The following HAUS8 variants were observed in gnomAD, a reference collection of about 807,000 sequenced individuals.
The protein encoded by HAUS8 is HAUS augmin like complex subunit 8, also known as HAUS augmin-like complex subunit 8.
Under a neutral mutation model 42.9 loss-of-function variants are expected in HAUS8, and 38 were observed. That is an observed-to-expected ratio of 0.89 (90% CI 0.68 to 1.16). The LOEUF (loss-of-function observed/expected upper bound fraction) is 1.16. HAUS8 is among the 50% of genes most tolerant of loss of function. The pLI, the probability that HAUS8 is intolerant of heterozygous loss-of-function variation, is 0.00. For synonymous variants in HAUS8, 199 were observed against 205.8 expected (o/e 0.97, Z 0.28); for missense variants, 494 against 511.6 (o/e 0.97, Z 0.33).
intron 10 of HAUS8, 161 bp downstream of exon 10, chr19:17,052,664 C>G: frequency 2.8e-6 from 2 of 713,526 alleles, no homozygotes; most frequent in South Asian, 3.6e-5. Context: ...ACCTGCTGGC[C>G]ATTCTTGTAT....
chr19:17,067,646 A>G (rs962342762), intron 3 of HAUS8, among the ~76,000 whole-genome samples: 2 of 152,318 alleles, frequency 1.3e-5, no homozygotes, highest in Non-Finnish European at 2.9e-5. Flanking sequence ...TGGCAACAAC[A>G]TGAAAATTTG....
Position 17,075,379 on chromosome 19 carries a change from G to T in HAUS8, c.29+15C>A. ...TGGCGTCTACAAATCCAGACCTGCG[G>T]AAGCCCCAACTCACCCAGCGCCTCG... On this transcript the variant is annotated intron_variant, in intron 1 of 10. Coordinates refer to ENST00000253669, the MANE Select transcript of HAUS8 (RefSeq NM_033417.2). The T allele has an allele frequency of 6.2e-7, 1 of 1,613,886 alleles. No individual in the cohort carries two copies. Among genetic ancestry groups the T allele is most frequent in the Non-Finnish European group, 8.5e-7 (1 of 1,179,840 alleles).
At chr19:17,058,402 G>C in intron 8 of HAUS8, 147 bp downstream of exon 8, 1 of 729,158 alleles carries the variant, frequency 1.4e-6, no homozygotes, top group South Asian at 2.1e-5. Context: ...ACCAACACCA[G>C]GACCAGAGCA....
intron 2 of HAUS8, among the ~76,000 whole-genome samples, chr19:17,072,003 T>C (rs1044664685): frequency 2.6e-5 from 4 of 151,918 alleles, no homozygotes; most frequent in African/African-American, 7.3e-5. Flanking sequence ...TAAATACAAA[T>C]AAATAAACAG....
intron 3 of HAUS8, among the ~76,000 whole-genome samples, chr19:17,065,379 G>T (rs2057381502): frequency 1.3e-5 from 2 of 152,264 alleles, no homozygotes; most frequent in Non-Finnish European, 1.5e-5. Context: ...TGCCAGAGAG[G>T]GTCCTGCCTC....
intron 4 of HAUS8, among the ~76,000 whole-genome samples, chr19:17,062,409 C>T (rs555475028): frequency 1.3e-5 from 2 of 152,308 alleles, no homozygotes; most frequent in African/African-American, 4.8e-5. Flanking sequence ...GCTCTCAGAG[C>T]ACCAGTGGGA....
In HAUS8 at chr19:17,052,961, G is replaced by C; in HGVS notation, c.793C>G (p.Leu265Val). Reference sequence around the variant, plus strand: ...TGAGTGGTCACCAGTTCATGCTGCAGGGCGTCTGGAGGGGAAGAGGGATGG... The same window carrying C: ...TGAGTGGTCACCAGTTCATGCTGCACGGCGTCTGGAGGGGAAGAGGGATGG... The part of the protein sequence containing the change: ...EGDGQQLLDA[L>V]QHELVTTQRL... The change falls in exon 10 of 11, where the codon CTG (leucine) becomes GTG (valine). Residue 265 changes from leucine (L) to valine (V), a missense_variant. Leu to Val is a conservative substitution (Grantham distance 32, BLOSUM62 1). Transcript: ENST00000253669. 1 of 1,614,206 alleles carries C rather than the reference G, an allele frequency of 6.2e-7. No homozygotes were observed. The highest frequency in any genetic ancestry group is 8.5e-7 in the Non-Finnish European group (1 of 1,180,036).
chr19:17,072,620 G>A (rs1389351671), intron 2 of HAUS8, among the ~76,000 whole-genome samples: 3 of 152,026 alleles, frequency 2.0e-5, no homozygotes, highest in South Asian at 4.1e-4. Flanking sequence ...GATTACAGGC[G>A]TGAGCCACCG....
chr19:17,051,891 A>T (rs1157563850), intron 10 of HAUS8: 1 of 151,764 alleles, frequency 6.6e-6, no homozygotes, highest in Non-Finnish European at 1.5e-5. Context: ...TTGTAATCCC[A>T]GCACTTTGGG....
intron 2 of HAUS8, among the ~76,000 whole-genome samples, chr19:17,072,531 G>A (rs544262732): frequency 6.6e-6 from 1 of 151,936 alleles, no homozygotes; most frequent in African/African-American, 2.4e-5. Flanking sequence ...TTAGTAGAAC[G>A]AGGTTTCACC....
intron 8 of HAUS8, among the ~76,000 whole-genome samples, chr19:17,057,644 G>T (rs149977367): frequency 2.6e-3 from 393 of 152,268 alleles, no homozygotes; most frequent in African/African-American, 8.9e-3. Flanking sequence ...TAAAGTCAGA[G>T]ACCTTGTACT....
rs77771940 is a variant in HAUS8, at chr19:17,050,293, G to C, written c.930-117C>G. The C allele has an allele frequency of 2.7e-3, 1,642 of 610,464 alleles. 31 individuals carry two copies. The African/African-American group carries it at 0.027, about 10-fold the overall frequency. 37.8% of individuals were successfully genotyped at this position (610,464 alleles called of 1,614,324 possible). On this transcript the variant is annotated intron_variant, in intron 10 of 10. Coordinates refer to ENST00000253669, the MANE Select transcript of HAUS8 (RefSeq NM_033417.2). ...GATTTTCACATGCCCTACGTGCTCA[G>C]TGGGAAAGGGCCAGCAAATAAGATC...
At chr19:17,055,127 A>G (rs1412795601) in intron 9 of HAUS8, 1 of 32,126 alleles carries the variant, frequency 3.1e-5, no homozygotes, top group East Asian at 8.1e-4. Flanking sequence ...AAAAAAAAAA[A>G]AAAAAAAAAA....
chr19:17,069,038 G>A lies in HAUS8; in HGVS notation c.140C>T (p.Thr47Ile), dbSNP rs767171028. Residue 47 changes from threonine to isoleucine, a missense_variant, in exon 3 of 11, where the codon ACC becomes ATC. Coordinates refer to ENST00000253669, the MANE Select transcript of HAUS8 (RefSeq NM_033417.2). ...AGCTGGGTGCGGCCTTACCTTTTGG[G>A]TTGTCTTCTTTTCATACTGCAGATA... ...SRYLQYEKKT[T>I]QKAPAGDGSQ... The A allele has an allele frequency of 2.5e-6, 4 of 1,613,094 alleles. No individual in the cohort carries two copies. The South Asian group carries it at 4.4e-5, about 18-fold the overall frequency.
chr19:17,058,481 G>T, intron 8 of HAUS8, 68 bp downstream of exon 8: 1 of 1,453,156 alleles, frequency 6.9e-7, no homozygotes. Flanking sequence ...GAATGCTACC[G>T]AAACAGTGGA....
In HAUS8 at chr19:17,059,557, C is replaced by T. The variant is rs372419077; in HGVS notation, c.420G>A (p.Pro140=). 28 of 1,608,844 alleles carry T rather than the reference C, an allele frequency of 1.7e-5. No homozygotes were observed. The highest frequency in any genetic ancestry group is 1.7e-4 in the Middle Eastern group (1 of 6,054). Residue 140 remains proline (P), a splice_region_variant and synonymous_variant, in exon 6 of 11, where the codon CCG becomes CCA. Transcript: ENST00000253669. ...TSFSAPRKKS[P]DLSEAMEMME... ...CTGCCCTCTTCTTTCAGACACTTAC[C>T]GGGCTCTTTTTCCGAGGGGCAGAAA... is the stretch of plus-strand genomic sequence containing the variant.
At chr19:17,062,189 C>T (rs1321732494) in intron 4 of HAUS8, among the ~76,000 whole-genome samples, 5 of 152,290 alleles carry the variant, frequency 3.3e-5, no homozygotes, top group South Asian at 4.1e-4. Flanking sequence ...GGAGCAATCT[C>T]GGCTCACTGC....
At chr19:17,073,184 C>G in intron 2 of HAUS8, 90 bp downstream of exon 2, 1 of 1,147,482 alleles carries the variant, frequency 8.7e-7, no homozygotes, top group South Asian at 1.2e-5. Context: ...AGCCACAGGC[C>G]CCCTTCTCTG....
chr19:17,054,670 G>A lies in HAUS8; in HGVS notation c.787+1191C>T, dbSNP rs574350728. Among the ~76,000 whole-genome samples, 7 of 152,122 alleles carry A rather than the reference G, an allele frequency of 4.6e-5. No individual in the cohort carries two copies. In the South Asian group the frequency reaches 1.2e-3, roughly 27 times the overall value. On this transcript the variant is annotated intron_variant, in intron 9 of 10. Coordinates refer to ENST00000253669, the MANE Select transcript of HAUS8 (RefSeq NM_033417.2). The stretch of plus-strand genomic sequence containing the variant: ...TACAACATTAGCCGGGCATAGTGGT[G>A]CATGCCTGTAATCCTAGCTACTCGG...
Sources: gnomAD v4.1 joint callset for allele counts (sites outside exome capture counted in the v4.1 genomes callset) on GRCh38, gnomAD v4.1.1 for gene constraint, MANE v1.5 for transcripts, NCBI Gene and HGNC (gene_info 2026-07-23, HGNC 2026-07-21) for gene names.